PLPP1: variants seen among roughly 807,000 people sequenced by gnomAD.
PLPP1 encodes phospholipid phosphatase 1, also known as lipid phosphate phosphohydrolase 1a.
In PLPP1, 24 loss-of-function variants were observed where a neutral mutation model predicts 31.2. The observed-to-expected ratio is 0.77, with a 90% CI of 0.56 to 1.08. PLPP1 has a LOEUF of 1.08. PLPP1 is among the 50% of genes least tolerant of loss of function. The probability of loss-of-function intolerance (pLI) is 0.00; values close to 1 mark genes in which losing one functional copy is unlikely to be tolerated. For synonymous variants in PLPP1, 146 were observed against 126.3 expected, an observed-to-expected ratio of 1.16 and a Z score of -1.05; for missense variants, 319 against 342.7, an observed-to-expected ratio of 0.93 and a Z score of 0.55.
intron 3 of PLPP1, among the ~76,000 whole-genome samples, chr5:55,460,894 T>C (rs1752140366): frequency 6.6e-6 from 1 of 151,988 alleles, no homozygotes; most frequent in Admixed American, 6.6e-5. Flanking sequence ...TTTTAAAACA[T>C]TAAAAAATAG....
chr5:55,496,059 T>C (rs1579964601), intron 1 of PLPP1, among the ~76,000 whole-genome samples: 1 of 152,138 alleles, frequency 6.6e-6, no homozygotes, highest in African/African-American at 2.4e-5. Flanking sequence ...GTTTTCACCA[T>C]GTTGGCCAGG....
At chr5:55,530,799 G>A (rs1174551629) in intron 1 of PLPP1, 57 of 1,438,210 alleles carry the variant, frequency 4.0e-5, no homozygotes, top group Non-Finnish European at 5.2e-5. Flanking sequence ...GACAGGGCGC[G>A]GTCCGCACGG....
In PLPP1 at chr5:55,465,236, G is replaced by A. The variant is rs182153376; in HGVS notation, c.491+2633C>T. ...CTTTTTGTATTTTTAGTAGAGACAG[G>A]GTTTCACCATGTTGGCCAGGCTGGT... On this transcript the variant is annotated intron_variant, in intron 3 of 5. Transcript: ENST00000307259. 1.2e-3 allele frequency among the ~76,000 whole-genome samples: 178 copies of A among 152,086 alleles called. 1 individual carries two copies. Among genetic ancestry groups the A allele is most frequent in the Non-Finnish European group, 1.3e-3 (86 of 67,986 alleles).
intron 4 of PLPP1, among the ~76,000 whole-genome samples, chr5:55,433,923 G>T (rs975428901): frequency 5.9e-5 from 9 of 152,012 alleles, no homozygotes; most frequent in Admixed American, 4.6e-4. Context: ...GATCACTTGA[G>T]GTCAGGAGTT....
intron 5 of PLPP1, 47 bp downstream of exon 5, chr5:55,425,816 A>C: frequency 6.9e-7 from 1 of 1,446,608 alleles, no homozygotes; most frequent in South Asian, 1.5e-5. Context: ...TTACTTATAT[A>C]AATGTTTAGC....
At chr5:55,529,874 A>G (rs934824083) in intron 1 of PLPP1, among the ~76,000 whole-genome samples, 1 of 152,232 alleles carries the variant, frequency 6.6e-6, no homozygotes, top group Admixed American at 6.5e-5. Flanking sequence ...ATTCAAGAAT[A>G]TTTAATATTA....
intron 3 of PLPP1, among the ~76,000 whole-genome samples, chr5:55,465,188 T>G (rs1410715757): frequency 6.6e-6 from 1 of 151,782 alleles, no homozygotes; most frequent in Non-Finnish European, 1.5e-5. Context: ...GGATTACAGG[T>G]GTGCGGCCAC....
At chr5:55,505,886 A>C (rs1193505447) in intron 1 of PLPP1, among the ~76,000 whole-genome samples, 2 of 152,160 alleles carry the variant, frequency 1.3e-5, no homozygotes, top group Non-Finnish European at 2.9e-5. Context: ...GCAAAACTCC[A>C]TCTCTACTAA....
intron 4 of PLPP1, among the ~76,000 whole-genome samples, chr5:55,435,447 G>A (rs1406212560): frequency 6.6e-6 from 1 of 152,208 alleles, no homozygotes; most frequent in Non-Finnish European, 1.5e-5. Context: ...AGAATCTCCA[G>A]TCAGCTGCCC....
intron 1 of PLPP1, among the ~76,000 whole-genome samples, chr5:55,512,568 G>GAA: frequency 7.0e-6 from 1 of 143,188 alleles, no homozygotes; most frequent in African/African-American, 2.6e-5. Flanking sequence ...AAGAAAGAAA[G>GAA]AAAGAAAGGT....
chr5:55,462,270 A>G (rs1321640514), intron 3 of PLPP1, among the ~76,000 whole-genome samples: 6 of 152,258 alleles, frequency 3.9e-5, no homozygotes, highest in Admixed American at 3.9e-4. Flanking sequence ...ACAAAGCTGC[A>G]GTATGGTATT....
At chr5:55,434,132 CA>C (rs528979124) in intron 4 of PLPP1, among the ~76,000 whole-genome samples, 1,144 of 53,024 alleles carry the variant, frequency 0.022, 4 homozygotes, top group African/African-American at 0.057. Flanking sequence ...GACTCTGTCT[CA>C]AAAAAAAAAA....
intron 3 of PLPP1, among the ~76,000 whole-genome samples, chr5:55,464,081 T>C (rs541237210): frequency 6.4e-4 from 97 of 151,862 alleles, no homozygotes; most frequent in African/African-American, 2.2e-3. Context: ...TGAGATACCA[T>C]AACAAAAACC....
intron 4 of PLPP1, among the ~76,000 whole-genome samples, chr5:55,435,471 C>T (rs1751470541): frequency 6.6e-6 from 1 of 152,158 alleles, no homozygotes; most frequent in Admixed American, 6.5e-5. Flanking sequence ...CCAAAAAATG[C>T]TTTCCTTCCT....
rs575929146 is a variant in PLPP1, at chr5:55,533,867, C to T, written c.58+705G>A. On this transcript the variant is annotated intron_variant, in intron 1 of 5. Coordinates refer to ENST00000307259, the MANE Select transcript of PLPP1 (RefSeq NM_003711.4). ...CAGAAGCCTCATAACTGAACTCTTCCAATCAGGAAGACAATGCGAAATCTG... is the reference window on the plus strand; with the variant it reads ...CAGAAGCCTCATAACTGAACTCTTCTAATCAGGAAGACAATGCGAAATCTG... 5.3e-5 allele frequency among the ~76,000 whole-genome samples: 8 copies of T among 152,228 alleles called. No homozygotes were observed. In the South Asian group the frequency reaches 1.7e-3, roughly 32 times the overall value.
intron 1 of PLPP1, among the ~76,000 whole-genome samples, chr5:55,488,282 A>T (rs75480484): frequency 3.3e-5 from 5 of 151,972 alleles, no homozygotes; most frequent in African/African-American, 9.6e-5. Context: ...AAAAAAAAAA[A>T]TTGTTATAAA....
chr5:55,517,376 G>T (rs994288115), intron 1 of PLPP1, among the ~76,000 whole-genome samples: 2 of 151,546 alleles, frequency 1.3e-5, no homozygotes, highest in African/African-American at 4.8e-5. Flanking sequence ...TTGTTTTTTT[G>T]GGTAGAAACA....
chr5:55,492,913 G>C (rs1752925191), intron 1 of PLPP1, among the ~76,000 whole-genome samples: 1 of 152,180 alleles, frequency 6.6e-6, no homozygotes, highest in African/African-American at 2.4e-5. Context: ...GCCTCCCATG[G>C]AGACAAGTGA....
intron 1 of PLPP1, among the ~76,000 whole-genome samples, chr5:55,502,922 C>T (rs1006740895): frequency 5.3e-5 from 8 of 152,164 alleles, no homozygotes; most frequent in Admixed American, 3.3e-4. Flanking sequence ...GCTAGCTTCT[C>T]TTTTCAGGCA....
Sources: allele counts gnomAD v4.1 joint callset (sites outside exome capture counted in the v4.1 genomes callset), GRCh38; gene constraint gnomAD v4.1.1; transcripts MANE v1.5; gene names NCBI Gene and HGNC (gene_info 2026-07-23, HGNC 2026-07-21).